Variants in ANKFN1 observed in about 807,000 individuals in gnomAD.
ANKFN1 encodes ankyrin repeat and fibronectin type III domain containing 1, also known as ankyrin repeat and fibronectin type-III domain-containing protein 1.
A neutral mutation model predicts 108.7 loss-of-function variants in ANKFN1; 74 were observed. The observed-to-expected ratio is 0.68, with a 90% CI of 0.56 to 0.83. The LOEUF is 0.83. Ranked by LOEUF, ANKFN1 falls within the 40% of genes least tolerant of loss-of-function variation. The probability of loss-of-function intolerance (pLI) is 0.00; values close to 1 mark genes in which losing one functional copy is unlikely to be tolerated. For missense variants in ANKFN1, 1,505 were observed against 1,382.3 expected, an observed-to-expected ratio of 1.09 and a Z score of -1.41; for synonymous variants, 547 against 516.2, an observed-to-expected ratio of 1.06 and a Z score of -0.81.
intron 4 of ANKFN1, among the ~76,000 whole-genome samples, chr17:56,066,692 C>G (rs1270070725): frequency 1.3e-5 from 2 of 152,166 alleles, no homozygotes; most frequent in Non-Finnish European, 2.9e-5. Context: ...ATCTCCAGAA[C>G]TGTTTTCTTC....
chr17:56,192,093 G>C (rs529413077), intron 1 of ANKFN1, among the ~76,000 whole-genome samples: 1 of 151,982 alleles, frequency 6.6e-6, no homozygotes, highest in Non-Finnish European at 1.5e-5. Flanking sequence ...CAGAAATAAC[G>C]CTGCTTACCT....
intron 1 of ANKFN1, among the ~76,000 whole-genome samples, chr17:56,172,819 C>T (rs187368257): frequency 2.6e-5 from 4 of 152,182 alleles, no homozygotes; most frequent in African/African-American, 7.2e-5. Context: ...CTGATACTAC[C>T]GGTCAGGCAA....
intron 4 of ANKFN1, among the ~76,000 whole-genome samples, chr17:56,118,083 A>G (rs1160389031): frequency 6.6e-6 from 1 of 152,138 alleles, no homozygotes; most frequent in Non-Finnish European, 1.5e-5. Context: ...TTATTGTAAA[A>G]TAATACTCCA....
chr17:56,259,317 T>A (rs773219271), intron 3 of ANKFN1, among the ~76,000 whole-genome samples: 1 of 152,278 alleles, frequency 6.6e-6, no homozygotes, highest in East Asian at 1.9e-4. Flanking sequence ...CATTTCCACA[T>A]CTGAAAAAGG....
intron 3 of ANKFN1, among the ~76,000 whole-genome samples, chr17:56,260,541 CCCAA>C (rs1213190810): frequency 3.9e-5 from 6 of 152,180 alleles, no homozygotes; most frequent in Admixed American, 2.6e-4. Flanking sequence ...ACTAATTCAT[CCCAA>C]CCAGCATTTT....
chr17:56,231,296 C>T (rs1311300802), intron 3 of ANKFN1, among the ~76,000 whole-genome samples: 1 of 152,124 alleles, frequency 6.6e-6, no homozygotes. Flanking sequence ...TAATTTAGCT[C>T]AAGATCTATG....
At chr17:56,460,135 G>T (rs1330399630) in intron 14 of ANKFN1, among the ~76,000 whole-genome samples, 9 of 151,490 alleles carry the variant, frequency 5.9e-5, no homozygotes, top group Non-Finnish European at 1.3e-4. Context: ...TAATGTTAGT[G>T]GTCCAATTTC....
At chr17:56,166,207 C>T (rs1016463385) in intron 1 of ANKFN1, among the ~76,000 whole-genome samples, 1 of 152,198 alleles carries the variant, frequency 6.6e-6, no homozygotes, top group East Asian at 1.9e-4. Flanking sequence ...TACCTTCCCT[C>T]TCTAGGTTGT....
rs74903705 is a variant in ANKFN1, at chr17:56,285,155, C to T, written c.54-41066C>T. 4.3e-3 allele frequency among the ~76,000 whole-genome samples: 649 copies of T among 152,222 alleles called. 5 individuals are homozygous for T. Among genetic ancestry groups the T allele is most frequent in the African/African-American group, 0.013 (553 of 41,532 alleles). ...CTCTCTCACAAAATTTTAATTGAAC[C>T]ACACCAATGTCATTTAGGGTGACAG... On this transcript the variant is annotated intron_variant, in intron 3 of 20. Transcript: ENST00000682825.
intron 4 of ANKFN1, among the ~76,000 whole-genome samples, chr17:56,328,071 A>G (rs2045569482): frequency 6.6e-6 from 1 of 152,216 alleles, no homozygotes; most frequent in Admixed American, 6.5e-5. Flanking sequence ...TAAATAGGTC[A>G]TGTAAATAAA....
chr17:56,360,392 C>G (rs1297718392), intron 6 of ANKFN1, among the ~76,000 whole-genome samples: 1 of 152,200 alleles, frequency 6.6e-6, no homozygotes, highest in Non-Finnish European at 1.5e-5. Flanking sequence ...TCAAGAGAGG[C>G]TTTCTCTGGC....
chr17:56,171,415 C>G (rs1007734782), intron 1 of ANKFN1, among the ~76,000 whole-genome samples: 1 of 152,074 alleles, frequency 6.6e-6, no homozygotes, highest in Non-Finnish European at 1.5e-5. Flanking sequence ...CTTCTATACC[C>G]CAGGAGGCTC....
intron 1 of ANKFN1, among the ~76,000 whole-genome samples, chr17:56,175,864 T>TTACA (rs1911096780): frequency 6.8e-6 from 1 of 147,386 alleles, no homozygotes; most frequent in Non-Finnish European, 1.5e-5. Context: ...CAGCCACAGT[T>TTACA]TACACTCCAC....
At chr17:56,428,979 T>C (rs1176500270) in intron 8 of ANKFN1, among the ~76,000 whole-genome samples, 1 of 152,072 alleles carries the variant, frequency 6.6e-6, no homozygotes, top group East Asian at 1.9e-4. Flanking sequence ...CTGTGAGGGA[T>C]GCAAAATTGA....
At chr17:56,497,666 T>G (rs907659967) in intron 19 of ANKFN1, among the ~76,000 whole-genome samples, 1 of 152,166 alleles carries the variant, frequency 6.6e-6, no homozygotes, top group African/African-American at 2.4e-5. Context: ...TAACCTTGCA[T>G]GACTCACATA....
At chr17:56,132,581 G>C (rs1295208770) in intron 4 of ANKFN1, among the ~76,000 whole-genome samples, 1 of 152,260 alleles carries the variant, frequency 6.6e-6, no homozygotes, top group Admixed American at 6.5e-5. Flanking sequence ...ATTGGGAAAA[G>C]TCATGCCTTA....
intron 10 of ANKFN1, 97 bp downstream of exon 10, chr17:56,443,030 G>C (rs1415368886): frequency 1.7e-6 from 2 of 1,203,964 alleles, no homozygotes; most frequent in African/African-American, 3.0e-5. Context: ...CCCACTGCTT[G>C]CAACCCATAA....
intron 2 of ANKFN1, among the ~76,000 whole-genome samples, chr17:56,214,587 T>C (rs1250028218): frequency 6.6e-6 from 1 of 152,228 alleles, no homozygotes; most frequent in African/African-American, 2.4e-5. Context: ...AGAATGCTAG[T>C]GTCTCCCCCG....
chr17:56,419,810 CAAAAAAAAA>C (rs5821128), intron 8 of ANKFN1, among the ~76,000 whole-genome samples: 1 of 102,088 alleles, frequency 9.8e-6, no homozygotes, highest in Non-Finnish European at 2.2e-5. Flanking sequence ...GACCCTGTCT[CAAAAAAAAA>C]AAAAAAAAAG....
Sources: gnomAD v4.1 joint callset for allele counts (sites outside exome capture counted in the v4.1 genomes callset) on GRCh38, gnomAD v4.1.1 for gene constraint, MANE v1.5 for transcripts, NCBI Gene and HGNC (gene_info 2026-07-23, HGNC 2026-07-21) for gene names.